The following WNK3 variants were observed in gnomAD, a reference collection of about 807,000 sequenced individuals.
WNK3 encodes WNK lysine deficient protein kinase 3.
Under a neutral mutation model 116.7 loss-of-function variants are expected in WNK3, and 18 were observed. The ratio of observed to expected loss-of-function variants is 0.15; its 90% confidence interval spans 0.11 to 0.23. The LOEUF is 0.23. WNK3 is among the 10% of genes least tolerant of loss of function. The pLI is 1.00. For synonymous variants in WNK3, 404 were observed against 469.4 expected (o/e 0.86, Z 1.80); for missense variants, 993 against 1,323.8 (o/e 0.75, Z 3.88).
exon 12 of WNK3, chrX:54,255,749 G>A (rs782475821): frequency 8.2e-5 from 99 of 1,204,783 alleles, no homozygotes; most frequent in Middle Eastern, 2.3e-4. Context: ...CCTGAAGGAC[G>A]GTAAGCTGAA....
At chrX:54,292,811 G>C in intron 10 of WNK3, 77 bp downstream of exon 10, 1 of 1,002,001 alleles carries the variant, frequency 1.0e-6, no homozygotes. Flanking sequence ...TTATAAAAGA[G>C]AACTTTTGCC....
rs781833059 is a variant in WNK3, at chrX:54,321,045, C to T, written c.538-9754G>A. Reference sequence around the variant, plus strand: ...CTGAGTAGCTGGGATTACAGGCATGCGCCACCATGCGCCGCTAATTTTGGT... The same window carrying T: ...CTGAGTAGCTGGGATTACAGGCATGTGCCACCATGCGCCGCTAATTTTGGT... On this transcript the variant is annotated intron_variant, in intron 2 of 23. Coordinates refer to ENST00000354646, the Ensembl canonical transcript of WNK3. 7.3e-5 allele frequency among the ~76,000 whole-genome samples: 8 copies of T among 109,677 alleles called. No individual in the cohort carries two copies. In the East Asian group the frequency reaches 2.0e-3, roughly 28 times the overall value.
At chrX:54,274,453 G>A (rs1557160126) in intron 10 of WNK3, among the ~76,000 whole-genome samples, 1 of 111,631 alleles carries the variant, frequency 9.0e-6, no homozygotes, top group Non-Finnish European at 1.9e-5. Flanking sequence ...ATGGACAACT[G>A]TACTCCTATG....
chrX:54,309,958 G>A (rs2068867870), intron 3 of WNK3, among the ~76,000 whole-genome samples: 1 of 110,436 alleles, frequency 9.1e-6, no homozygotes, highest in Admixed American at 9.8e-5. Flanking sequence ...TCACTAGAGG[G>A]TTAAACTATG....
intron 1 of WNK3, among the ~76,000 whole-genome samples, chrX:54,353,981 CTGAG>C (rs2069555897): frequency 9.7e-6 from 1 of 103,021 alleles, no homozygotes. Context: ...CCTCGGGAGG[CTGAG>C]TGAGGCAGGA....
intron 22 of WNK3, among the ~76,000 whole-genome samples, chrX:54,221,925 G>A (rs958488012): frequency 8.9e-6 from 1 of 112,205 alleles, no homozygotes; most frequent in African/African-American, 3.2e-5. Context: ...GGGAGGCTGA[G>A]GCGGGTGGAT....
At chrX:54,232,388 C>G (rs913977476) in intron 21 of WNK3, among the ~76,000 whole-genome samples, 6 of 111,085 alleles carry the variant, frequency 5.4e-5, no homozygotes, top group Admixed American at 9.6e-5. Context: ...GCGACAGGCC[C>G]ACCTCAGCCT....
In WNK3 at chrX:54,320,506, A is replaced by T. The variant is rs1343344490; in HGVS notation, c.538-9215T>A. Among the ~76,000 whole-genome samples the T allele has an allele frequency of 2.7e-5, 3 of 111,755 alleles. No homozygotes were observed. The Admixed American group carries it at 2.9e-4, about 11-fold the overall frequency. ...CAAAATGATGCTTAGCTTATAAAGC[A>T]CTCTATCAATGAATATTTTTTTTCT... On this transcript the variant is annotated intron_variant, in intron 2 of 23. Transcript: ENST00000354646.
intron 1 of WNK3, among the ~76,000 whole-genome samples, chrX:54,350,282 C>T (rs2069496316): frequency 9.1e-6 from 1 of 110,265 alleles, no homozygotes; most frequent in African/African-American, 3.3e-5. Flanking sequence ...TGGTGGCGGG[C>T]ACCTATAGTC....
upstream of WNK3, among the ~76,000 whole-genome samples, chrX:54,358,214 C>A (rs1372878784): frequency 8.1e-5 from 9 of 111,110 alleles, no homozygotes; most frequent in African/African-American, 2.9e-4. Flanking sequence ...CTCGGCGCCG[C>A]GGGAGAGAGG....
chrX:54,230,060 C>A (rs1485129902), intron 21 of WNK3, among the ~76,000 whole-genome samples: 1 of 111,312 alleles, frequency 9.0e-6, no homozygotes, highest in African/African-American at 3.3e-5. Flanking sequence ...GCCAATGACA[C>A]TGTTAAGAGA....
At chrX:54,354,798 C>T (rs1203929589) in intron 1 of WNK3, among the ~76,000 whole-genome samples, 2 of 111,833 alleles carry the variant, frequency 1.8e-5, no homozygotes, top group East Asian at 5.5e-4. Flanking sequence ...AATTATCTGA[C>T]TAGAAATCTG....
At chrX:54,319,627 T>C (rs1349913202) in intron 2 of WNK3, among the ~76,000 whole-genome samples, 1 of 112,324 alleles carries the variant, frequency 8.9e-6, no homozygotes, top group Non-Finnish European at 1.9e-5. Context: ...TTCCCAGATA[T>C]ACTGCTGGAG....
chrX:54,218,660 G>T (rs2146781086), intron 22 of WNK3, among the ~76,000 whole-genome samples: 1 of 110,681 alleles, frequency 9.0e-6, no homozygotes, highest in Non-Finnish European at 1.9e-5. Flanking sequence ...AAGGCAGGCA[G>T]ATCACTTGAG....
chrX:54,345,013 G>A (rs2069393993), intron 1 of WNK3, among the ~76,000 whole-genome samples: 1 of 109,270 alleles, frequency 9.2e-6, no homozygotes, highest in Non-Finnish European at 1.9e-5. Flanking sequence ...ACTCTGGGAG[G>A]CCGAGGCGGG....
In WNK3 at chrX:54,318,036, T is replaced by C. The variant is rs1404526396; in HGVS notation, c.538-6745A>G. ...GGATGTACAATGATGTAAATATACT[T>C]AATGCCACTGAAAAACTGCACACTT... is the stretch of plus-strand genomic sequence containing the variant. On this transcript the variant is annotated intron_variant, in intron 2 of 23. Transcript: ENST00000354646. 2.7e-5 allele frequency among the ~76,000 whole-genome samples: 3 copies of C among 110,383 alleles called. No individual in the cohort carries two copies. In the Admixed American group the frequency reaches 2.9e-4, roughly 11 times the overall value.
chrX:54,226,192 G>A (rs891048778), intron 22 of WNK3, among the ~76,000 whole-genome samples: 4 of 109,689 alleles, frequency 3.6e-5, no homozygotes, highest in East Asian at 2.8e-4. Flanking sequence ...AAATGTAGCC[G>A]GGTGCAGCGG....
At chrX:54,258,267 G>C (rs2068217887) in intron 11 of WNK3, among the ~76,000 whole-genome samples, 1 of 75,670 alleles carries the variant, frequency 1.3e-5, no homozygotes, top group African/African-American at 5.5e-5. Flanking sequence ...AATAGAGTGA[G>C]ACTCCATCTC....
intron 21 of WNK3, among the ~76,000 whole-genome samples, chrX:54,230,912 T>G (rs1012711555): frequency 6.2e-5 from 7 of 112,558 alleles, no homozygotes; most frequent in Middle Eastern, 4.6e-3. Context: ...TAGAAACAGG[T>G]GGACACCTGA....
Sources: allele counts gnomAD v4.1 joint callset (sites outside exome capture counted in the v4.1 genomes callset), GRCh38; gene constraint gnomAD v4.1.1; transcripts MANE v1.5; gene names NCBI Gene and HGNC (gene_info 2026-07-23, HGNC 2026-07-21).